Variants in BDP1 observed in about 807,000 individuals in gnomAD.
The protein encoded by BDP1 is transcription factor TFIIIB component B'' homolog.
A neutral mutation model predicts 266.6 loss-of-function variants in BDP1; 169 were observed. The observed-to-expected ratio is 0.63, with a 90% CI of 0.56 to 0.72. The LOEUF (loss-of-function observed/expected upper bound fraction) is 0.72, where lower values mean the gene tolerates loss of function less well. Ranked by LOEUF, BDP1 falls within the 30% of genes least tolerant of loss-of-function variation. The probability of loss-of-function intolerance (pLI) is 0.00; values close to 1 mark genes in which losing one functional copy is unlikely to be tolerated. For missense variants in BDP1, 3,015 were observed against 3,053.8 expected, an observed-to-expected ratio of 0.99 and a Z score of 0.30; for synonymous variants, 1,090 against 1,022.4, an observed-to-expected ratio of 1.07 and a Z score of -1.26.
At chr5:71,520,427 A>G (rs932853351) in intron 22 of BDP1, among the ~76,000 whole-genome samples, 1 of 152,238 alleles carries the variant, frequency 6.6e-6, no homozygotes, top group Non-Finnish European at 1.5e-5. Context: ...ACTAAAATGC[A>G]TTAGACTTAT....
At chr5:71,500,634 C>T (rs1157028443) in intron 13 of BDP1, among the ~76,000 whole-genome samples, 1 of 152,056 alleles carries the variant, frequency 6.6e-6, no homozygotes, top group Non-Finnish European at 1.5e-5. Context: ...GCCATTCCTT[C>T]TAATACTTGT....
chr5:71,496,446 T>TTTC (rs2150425269), intron 12 of BDP1, among the ~76,000 whole-genome samples: 1 of 150,816 alleles, frequency 6.6e-6, no homozygotes, highest in East Asian at 2.0e-4. Context: ...GAATTTTTTT[T>TTTC]TTTTTTTTTG....
intron 25 of BDP1, among the ~76,000 whole-genome samples, chr5:71,531,952 C>T (rs551928791): frequency 6.6e-6 from 1 of 152,116 alleles, no homozygotes; most frequent in South Asian, 2.1e-4. Context: ...ACTTTATATC[C>T]CTGTACACCT....
chr5:71,544,961 CT>C, intron 31 of BDP1, 77 bp from the exon 32 acceptor site: 1 of 1,175,856 alleles, frequency 8.5e-7, no homozygotes, highest in South Asian at 1.3e-5. Flanking sequence ...ATTAGATGAT[CT>C]TTTACACACC....
rs1376958432 is a variant in BDP1 at position 71,495,428 on chromosome 5, G to A, written c.1799+20G>A. 2 of 1,495,174 alleles carry A rather than the reference G, an allele frequency of 1.3e-6. No individual in the cohort carries two copies. The highest frequency in any genetic ancestry group is 1.3e-5 in the South Asian group (1 of 74,842). The allele number at this position is 1,495,174 out of a possible 1,614,324, so 92.6% of individuals were successfully genotyped here. A position where few individuals can be genotyped will look rare whatever the true frequency, so the allele number is the denominator to read the frequency against. On this transcript the variant is annotated intron_variant, in intron 12 of 38. Transcript: ENST00000358731. ...TTCACTGTAAGTATTTTATACGATAGGATTTATTTATAAAATTTTGATAAG... is the reference window on the plus strand; with the variant it reads ...TTCACTGTAAGTATTTTATACGATAAGATTTATTTATAAAATTTTGATAAG...
Position 71,539,039 on chromosome 5 carries a change from T to C in BDP1, c.5893-3T>C. The C allele has an allele frequency of 6.3e-7, 1 of 1,596,282 alleles. No homozygotes were observed. Among genetic ancestry groups the C allele is most frequent in the Non-Finnish European group, 8.6e-7 (1 of 1,167,690 alleles). ...AGATGTTACTTATTTTTTTCCTTTT[T>C]AGGAAATGACCACAAGTGAACATAT... On this transcript the variant is annotated splice_region_variant and splice_polypyrimidine_tract_variant and intron_variant, in intron 26 of 38. Transcript: ENST00000358731.
At chr5:71,460,173 A>T (rs1252626696) in intron 2 of BDP1, among the ~76,000 whole-genome samples, 2 of 152,206 alleles carry the variant, frequency 1.3e-5, no homozygotes, top group Non-Finnish European at 2.9e-5. Flanking sequence ...TGAGGTCAGG[A>T]GTTCGAGACC....
At position 71,566,915 on chromosome 5, in the gene BDP1, G is replaced by T. The variant is rs1269117146; in HGVS notation, c.*2030G>T. On this transcript the variant is annotated 3_prime_UTR_variant, in exon 39 of 39. Coordinates refer to ENST00000358731, the MANE Select transcript of BDP1 (RefSeq NM_018429.3). ...CCAGTTTTTAAGTTCCTTAATAGAA[G>T]AGAATTATGTCTCAGCACATATAAC... 6.6e-6 allele frequency: 1 copy of T among 152,158 alleles called. No individual in the cohort carries two copies. The highest frequency in any genetic ancestry group is 2.4e-5 in the African/African-American group (1 of 41,438). 9.4% of individuals were successfully genotyped at this position (152,158 alleles called of 1,614,324 possible).
At chr5:71,541,748 G>T in intron 29 of BDP1, 66 bp downstream of exon 29, 5 of 999,888 alleles carry the variant, frequency 5.0e-6, no homozygotes, top group Non-Finnish European at 7.2e-6. Flanking sequence ...ATAGCTTTGA[G>T]TAATGCTTTA....
intron 16 of BDP1, among the ~76,000 whole-genome samples, chr5:71,505,273 G>A (rs1461517375): frequency 6.6e-6 from 1 of 152,102 alleles, no homozygotes; most frequent in African/African-American, 2.4e-5. Flanking sequence ...TCCTAAAGTG[G>A]TGGGATTACA....
intron 5 of BDP1, among the ~76,000 whole-genome samples, chr5:71,466,592 G>C (rs1326026707): frequency 6.6e-6 from 1 of 152,092 alleles, no homozygotes; most frequent in Non-Finnish European, 1.5e-5. Flanking sequence ...GCATATCCTG[G>C]TGTGTGGTGA....
At chr5:71,483,211 T>C (rs1473527648) in intron 7 of BDP1, among the ~76,000 whole-genome samples, 1 of 152,196 alleles carries the variant, frequency 6.6e-6, no homozygotes, top group African/African-American at 2.4e-5. Flanking sequence ...ACGATGTGTT[T>C]GCGTGATCAG....
chr5:71,489,595 C>T lies in BDP1; in HGVS notation c.1405C>T (p.Gln469Ter). ...TCAAAAGAAAAGAAGGAGGAAGAAG[C>T]AAGATGGAGCTAATGAACTGGGAGT... ...LNQKKRRRKK[Q>*]DGANELGVNN... Residue 469 changes from glutamine to a stop codon, truncating the protein, a stop_gained, in exon 10 of 39, where the codon CAA becomes TAA. Transcript: ENST00000358731. LOFTEE classifies it high-confidence loss of function. 4 of 1,613,988 alleles carry T rather than the reference C, an allele frequency of 2.5e-6. No individual in the cohort carries two copies. Among genetic ancestry groups the T allele is most frequent in the Non-Finnish European group, 3.4e-6 (4 of 1,179,956 alleles).
Position 71,464,092 on chromosome 5 carries a change from C to T in BDP1, c.634C>T (p.Pro212Ser). The change falls in exon 4 of 39, where the codon CCA becomes TCA. Residue 212 changes from proline to serine, a missense_variant. Coordinates refer to ENST00000358731, the MANE Select transcript of BDP1 (RefSeq NM_018429.3). Reference protein sequence around the residue: ...SLEQEKKTEKPSTPVQTREQE... With the variant: ...SLEQEKKTEKSSTPVQTREQE... ...GGAACAAGAAAAGAAAACTGAAAAG[C>T]CATCGACTCCAGTCCAGACAAGAGA... is the stretch of plus-strand genomic sequence containing the variant. The T allele has an allele frequency of 1.3e-6, 2 of 1,579,276 alleles. No individual in the cohort carries two copies. The highest frequency in any genetic ancestry group is 1.7e-6 in the Non-Finnish European group (2 of 1,160,578).
At chr5:71,498,477 G>A (rs1450568083) in intron 13 of BDP1, among the ~76,000 whole-genome samples, 1 of 151,574 alleles carries the variant, frequency 6.6e-6, no homozygotes, top group East Asian at 2.0e-4. Flanking sequence ...AGGCTGGAGT[G>A]CAGTGGCACG....
rs745781135 is a variant in BDP1 at position 71,545,115 on chromosome 5, C to T, written c.6640C>T (p.Pro2214Ser). 1.9e-6 allele frequency: 3 copies of T among 1,613,668 alleles called. No individual in the cohort carries two copies. Among genetic ancestry groups the T allele is most frequent in the Non-Finnish European group, 2.5e-6 (3 of 1,179,822 alleles). Reference protein sequence around the residue: ...VAPVASSETGPCTLGLDRGLG... With the variant: ...VAPVASSETGSCTLGLDRGLG... ...TCCAGTTGCTTCCTCTGAGACAGGG[C>T]CCTGCACACTTGGTTTGGATAGGGG... The change falls in exon 32 of 39, where the codon CCC (proline) becomes TCC (serine). Residue 2214 changes from proline (P) to serine (S), a missense_variant. Around this residue, in one of 3 missense-constraint regions of BDP1, gnomAD observed 629 missense variants for 632.5 expected, o/e 0.99. Transcript: ENST00000358731.
At position 71,560,107 on chromosome 5, in the gene BDP1, A is replaced by C; in HGVS notation, c.7366A>C (p.Met2456Leu). 1 of 1,614,188 alleles carries C rather than the reference A, an allele frequency of 6.2e-7. No homozygotes were observed. Residue 2456 changes from methionine to leucine, a missense_variant, in exon 37 of 39, where the codon ATG becomes CTG. Around this residue, in one of 3 missense-constraint regions of BDP1, gnomAD observed 629 missense variants for 632.5 expected, o/e 0.99. Transcript: ENST00000358731. ...AGGATCTAGATCTCCTGATGCATGC[A>C]TGGACAAGAATGTGCCTCAGTTACC... ...SRGSRSPDACMDKNVPQLPQD... is the reference protein window; with the variant it reads ...SRGSRSPDACLDKNVPQLPQD...
Position 71,502,634 on chromosome 5 carries a change from A to G in BDP1, c.2084A>G (p.Gln695Arg). ...AAAAATTGTCTGCAGGAAGGGAGTC[A>G]ACTAAAGGCTTTAAGACCTGTACAA... ...GEKNCLQEGS[Q>R]LKALRPVQVR... The change falls in exon 15 of 39, where the codon CAA (glutamine) becomes CGA (arginine). Residue 695 changes from glutamine (Q) to arginine (R), a missense_variant. By Grantham distance (43) the Gln-to-Arg change is conservative (BLOSUM62 1). Transcript: ENST00000358731. 6.2e-7 allele frequency: 1 copy of G among 1,610,038 alleles called. No individual in the cohort carries two copies. Among genetic ancestry groups the G allele is most frequent in the Non-Finnish European group, 8.5e-7 (1 of 1,178,556 alleles).
At chr5:71,486,748 T>C (rs762152320) in intron 9 of BDP1, 121 bp downstream of exon 9, 10 of 741,728 alleles carry the variant, frequency 1.3e-5, no homozygotes, top group Non-Finnish European at 1.8e-5. Context: ...AAGCATCCAG[T>C]TGGAGGGAGT....
Sources: gnomAD v4.1 joint callset for allele counts (sites outside exome capture counted in the v4.1 genomes callset) on GRCh38, gnomAD v4.1.1 for gene constraint, gnomAD v4.1.1 regional missense constraint, MANE v1.5 for transcripts, NCBI Gene and HGNC (gene_info 2026-07-23, HGNC 2026-07-21) for gene names.